Variants in ADAMTSL1 observed in about 807,000 individuals in gnomAD.
ADAMTSL1 encodes ADAMTS like 1.
ADAMTSL1 carries 126 observed loss-of-function variants against 201.8 expected under a neutral mutation model. The observed-to-expected ratio is 0.62, with a 90% CI of 0.54 to 0.72. The LOEUF is 0.72. Among genes scored for constraint, ADAMTSL1 ranks in the 30% least tolerant of loss-of-function variants. The pLI is 0.00. For missense variants in ADAMTSL1, 2,679 were observed against 2,277.8 expected, an observed-to-expected ratio of 1.18 and a Z score of -3.59; for synonymous variants, 1,121 against 903.4, an observed-to-expected ratio of 1.24 and a Z score of -4.32.
At chr9:18,222,193 A>G (rs1354109002) in intron 2 of ADAMTSL1, among the ~76,000 whole-genome samples, 1 of 151,920 alleles carries the variant, frequency 6.6e-6, no homozygotes, top group East Asian at 1.9e-4. Context: ...TTTGTGTATA[A>G]CATATAGCTA....
intron 1 of ADAMTSL1, among the ~76,000 whole-genome samples, chr9:18,058,957 T>C (rs929518839): frequency 3.3e-5 from 5 of 152,218 alleles, no homozygotes; most frequent in Non-Finnish European, 5.9e-5. Context: ...TATTCCTGTC[T>C]TTTAGCTTTG....
At chr9:18,683,275 A>G (rs1254885572) in intron 12 of ADAMTSL1, among the ~76,000 whole-genome samples, 1 of 142,866 alleles carries the variant, frequency 7.0e-6, no homozygotes, top group African/African-American at 2.6e-5. Flanking sequence ...CCCAGGCTGG[A>G]GTTCAGTGGC....
intron 15 of ADAMTSL1, among the ~76,000 whole-genome samples, chr9:18,742,214 T>C (rs961273446): frequency 4.6e-5 from 7 of 152,228 alleles, no homozygotes; most frequent in African/African-American, 1.7e-4. Flanking sequence ...TTAAGACTAA[T>C]ATATCTTTTG....
intron 2 of ADAMTSL1, among the ~76,000 whole-genome samples, chr9:18,244,334 T>C (rs1163855475): frequency 6.6e-6 from 1 of 152,068 alleles, no homozygotes; most frequent in African/African-American, 2.4e-5. Context: ...TAAAACATTA[T>C]AGATTATTCT....
At chr9:18,305,034 C>G (rs1833857018) in intron 2 of ADAMTSL1, among the ~76,000 whole-genome samples, 1 of 152,150 alleles carries the variant, frequency 6.6e-6, no homozygotes, top group African/African-American at 2.4e-5. Flanking sequence ...CCTGGTTAGA[C>G]AGTGGGTGCA....
chr9:18,108,654 G>T (rs914189543), intron 1 of ADAMTSL1, among the ~76,000 whole-genome samples: 1 of 151,852 alleles, frequency 6.6e-6, no homozygotes, highest in Admixed American at 6.6e-5. Context: ...CAATATCAAG[G>T]GTGATATTTA....
At chr9:17,984,131 C>G (rs1306173873) in intron 1 of ADAMTSL1, among the ~76,000 whole-genome samples, 3 of 151,974 alleles carry the variant, frequency 2.0e-5, no homozygotes, top group Non-Finnish European at 2.9e-5. Context: ...TCAAGAATAC[C>G]AAAAACTTAC....
upstream of ADAMTSL1, among the ~76,000 whole-genome samples, chr9:18,472,135 A>T (rs903961034): frequency 1.3e-5 from 2 of 152,200 alleles, no homozygotes; most frequent in Non-Finnish European, 2.9e-5. Context: ...TCAGTTAATG[A>T]CTGTGATAGG....
At chr9:18,030,858 T>C (rs1325742736) in intron 1 of ADAMTSL1, among the ~76,000 whole-genome samples, 2 of 152,190 alleles carry the variant, frequency 1.3e-5, no homozygotes, top group Non-Finnish European at 2.9e-5. Context: ...CTGATCATTT[T>C]TAAAAATTCA....
intron 3 of ADAMTSL1, among the ~76,000 whole-genome samples, chr9:18,549,420 G>A (rs2132211153): frequency 6.6e-6 from 1 of 152,028 alleles, no homozygotes; most frequent in East Asian, 1.9e-4. Context: ...GATCTACAAA[G>A]ATGAGCATTA....
At chr9:18,315,751 C>T (rs1834363920) in intron 2 of ADAMTSL1, among the ~76,000 whole-genome samples, 2 of 152,218 alleles carry the variant, frequency 1.3e-5, no homozygotes, top group Admixed American at 1.3e-4. Context: ...TAGCTCCGGC[C>T]TCAGCCAACC....
intron 1 of ADAMTSL1, among the ~76,000 whole-genome samples, chr9:18,478,705 C>G (rs1372320896): frequency 6.6e-6 from 1 of 152,136 alleles, no homozygotes; most frequent in Non-Finnish European, 1.5e-5. Context: ...CAGAAGTGAC[C>G]TCTTCGTAGC....
intron 1 of ADAMTSL1, among the ~76,000 whole-genome samples, chr9:18,030,775 T>A (rs925880184): frequency 6.6e-6 from 1 of 152,148 alleles, no homozygotes; most frequent in Admixed American, 6.5e-5. Flanking sequence ...GCTTACTTTC[T>A]CTCCTTCTCT....
intron 1 of ADAMTSL1, among the ~76,000 whole-genome samples, chr9:17,955,960 T>A (rs558524538): frequency 1.3e-5 from 2 of 152,312 alleles, no homozygotes; most frequent in East Asian, 3.9e-4. Context: ...ATTTCCCTTT[T>A]AGACACATTT....
At chr9:18,497,717 A>C (rs1822603255) in intron 1 of ADAMTSL1, among the ~76,000 whole-genome samples, 2 of 152,202 alleles carry the variant, frequency 1.3e-5, no homozygotes, top group Admixed American at 6.5e-5. Context: ...AAATTTCCTG[A>C]ATACTAACCT....
At chr9:18,446,971 A>ATT (rs375285785) in intron 2 of ADAMTSL1, among the ~76,000 whole-genome samples, 2 of 148,652 alleles carry the variant, frequency 1.3e-5, no homozygotes, top group African/African-American at 4.9e-5. Flanking sequence ...TAACATGAAC[A>ATT]TTTTTTTTTT....
At chr9:17,983,719 C>A (rs941595982) in intron 1 of ADAMTSL1, among the ~76,000 whole-genome samples, 2 of 152,004 alleles carry the variant, frequency 1.3e-5, no homozygotes, top group Admixed American at 1.3e-4. Context: ...GTTAAAATAA[C>A]TTGAGAGACA....
chr9:17,974,700 C>T (rs1424854686), intron 1 of ADAMTSL1, among the ~76,000 whole-genome samples: 1 of 151,944 alleles, frequency 6.6e-6, no homozygotes, highest in Non-Finnish European at 1.5e-5. Context: ...GGATCTCCTT[C>T]TTTTGTTAAG....
At chr9:18,591,402 G>T (rs1270453271) in intron 4 of ADAMTSL1, among the ~76,000 whole-genome samples, 1 of 152,034 alleles carries the variant, frequency 6.6e-6, no homozygotes, top group East Asian at 1.9e-4. Context: ...TTCAGTTTGT[G>T]TGCCCTTATA....
Sources: gnomAD v4.1 joint callset for allele counts (sites outside exome capture counted in the v4.1 genomes callset) on GRCh38, gnomAD v4.1.1 for gene constraint, MANE v1.5 for transcripts, NCBI Gene and HGNC (gene_info 2026-07-23, HGNC 2026-07-21) for gene names.